Variants in CADPS2 observed in about 807,000 individuals in gnomAD.
CADPS2 encodes calcium-dependent secretion activator 2.
A neutral mutation model predicts 172.5 loss-of-function variants in CADPS2; 93 were observed. The observed-to-expected ratio is 0.54, with a 90% CI of 0.46 to 0.64. The LOEUF (loss-of-function observed/expected upper bound fraction) is 0.64. CADPS2 is among the 30% of genes least tolerant of loss of function. The pLI, the probability that CADPS2 is intolerant of heterozygous loss-of-function variation, is 0.00. For missense variants in CADPS2, 1,420 were observed against 1,565.9 expected (o/e 0.91, Z 1.57); for synonymous variants, 546 against 555.2 (o/e 0.98, Z 0.23).
intron 1 of CADPS2, among the ~76,000 whole-genome samples, chr7:122,773,108 T>C (rs2093754449): frequency 1.3e-5 from 2 of 152,106 alleles, no homozygotes; most frequent in Non-Finnish European, 2.9e-5. Context: ...ATTTCAAATG[T>C]CCAATTGTTC....
intron 25 of CADPS2, among the ~76,000 whole-genome samples, chr7:122,376,904 TA>T (rs1397540502): frequency 6.6e-6 from 1 of 152,120 alleles, no homozygotes; most frequent in African/African-American, 2.4e-5. Context: ...AAAATGGTTT[TA>T]AAAATATCAT....
intron 27 of CADPS2, among the ~76,000 whole-genome samples, chr7:122,358,932 T>G (rs910729226): frequency 1.3e-5 from 2 of 152,140 alleles, no homozygotes; most frequent in Non-Finnish European, 2.9e-5. Flanking sequence ...ACTGGCATGA[T>G]GAAGAGTCTG....
intron 1 of CADPS2, among the ~76,000 whole-genome samples, chr7:122,776,516 TTGAAAC>T (rs1410007394): frequency 2.0e-5 from 3 of 151,880 alleles, no homozygotes; most frequent in Admixed American, 6.6e-5. Flanking sequence ...GGAAGTGACT[TTGAAAC>T]TGAGGAACAG....
intron 28 of CADPS2, among the ~76,000 whole-genome samples, chr7:122,340,615 C>T (rs1217064761): frequency 6.6e-6 from 1 of 152,138 alleles, no homozygotes; most frequent in Non-Finnish European, 1.5e-5. Context: ...AGCCAAAGCT[C>T]TGAAGAAATG....
rs568072877 is a variant in CADPS2, at chr7:122,442,972, T to G, written c.2289-1397A>C. Among the ~76,000 whole-genome samples, 6 of 152,334 alleles carry G rather than the reference T, an allele frequency of 3.9e-5. No individual in the cohort carries two copies. In the East Asian group the frequency reaches 9.6e-4, roughly 24 times the overall value. On this transcript the variant is annotated intron_variant, in intron 15 of 29. Transcript: ENST00000449022. The stretch of plus-strand genomic sequence containing the variant: ...GCATTAGCAAATTAGCAAAGTACCT[T>G]TAATCATTTTGTATATTATAAACCT...
At chr7:122,839,477 T>A (rs182257075) in intron 1 of CADPS2, among the ~76,000 whole-genome samples, 5 of 152,216 alleles carry the variant, frequency 3.3e-5, no homozygotes, top group South Asian at 4.1e-4. Context: ...GAAACTACCA[T>A]CAGAGTGAAC....
At position 122,400,842 on chromosome 7, in the gene CADPS2, G is replaced by A. The variant is rs543634425; in HGVS notation, c.2746+6698C>T. Among the ~76,000 whole-genome samples the A allele has an allele frequency of 5.3e-5, 8 of 152,318 alleles. No homozygotes were observed. In the South Asian group the frequency reaches 1.4e-3, roughly 28 times the overall value. ...TTAAGCACTTGAAAGAGAATAACAC[G>A]CAGGTGTCAGCCTTCCATATTTCAA... is the stretch of plus-strand genomic sequence containing the variant. On this transcript the variant is annotated intron_variant, in intron 20 of 29. Coordinates refer to ENST00000449022, the MANE Select transcript of CADPS2 (RefSeq NM_017954.11).
chr7:122,331,377 C>T (rs2034918296), intron 28 of CADPS2, among the ~76,000 whole-genome samples: 1 of 152,168 alleles, frequency 6.6e-6, no homozygotes, highest in African/African-American at 2.4e-5. Flanking sequence ...TAGGCCAGTG[C>T]CTGTAATCCC....
intron 15 of CADPS2, among the ~76,000 whole-genome samples, chr7:122,445,285 A>G (rs2052001606): frequency 6.6e-6 from 1 of 152,134 alleles, no homozygotes; most frequent in Non-Finnish European, 1.5e-5. Flanking sequence ...TCCATAGGTC[A>G]ATTTAGAGAG....
chr7:122,352,106 T>A (rs1334694788), intron 27 of CADPS2, among the ~76,000 whole-genome samples: 1 of 152,222 alleles, frequency 6.6e-6, no homozygotes, highest in Non-Finnish European at 1.5e-5. Flanking sequence ...ATTTCTGATC[T>A]ACGGTTAGAT....
intron 1 of CADPS2, among the ~76,000 whole-genome samples, chr7:122,740,525 C>A (rs2092407004): frequency 6.6e-6 from 1 of 152,028 alleles, no homozygotes; most frequent in Non-Finnish European, 1.5e-5. Flanking sequence ...GTAAAAAGAT[C>A]AGCTGTTGAT....
intron 2 of CADPS2, chr7:122,698,208 G>A: frequency 6.2e-7 from 1 of 1,613,864 alleles, no homozygotes; most frequent in Non-Finnish European, 8.5e-7. Flanking sequence ...CTCGAAGTTG[G>A]AGTTGTCCAA....
intron 1 of CADPS2, among the ~76,000 whole-genome samples, chr7:122,806,241 T>C (rs1439609882): frequency 6.6e-6 from 1 of 152,214 alleles, no homozygotes; most frequent in Non-Finnish European, 1.5e-5. Flanking sequence ...GGAAGATTAG[T>C]GTTCACTTTA....
intron 1 of CADPS2, among the ~76,000 whole-genome samples, chr7:122,878,834 A>G (rs920453127): frequency 6.6e-6 from 1 of 152,144 alleles, no homozygotes; most frequent in African/African-American, 2.4e-5. Context: ...TCCTCGGAAC[A>G]TATTGGATAG....
intron 14 of CADPS2, among the ~76,000 whole-genome samples, chr7:122,457,735 A>G (rs2053961149): frequency 6.6e-6 from 1 of 152,132 alleles, no homozygotes; most frequent in Non-Finnish European, 1.5e-5. Context: ...CATCTTCTAG[A>G]GTTATTTTTT....
intron 27 of CADPS2, among the ~76,000 whole-genome samples, chr7:122,347,976 T>C (rs1328706227): frequency 6.6e-6 from 1 of 152,164 alleles, no homozygotes; most frequent in African/African-American, 2.4e-5. Flanking sequence ...TAACTCAGTA[T>C]CTGAGTTTCA....
chr7:122,415,432 T>C (rs543758420), intron 18 of CADPS2, among the ~76,000 whole-genome samples: 2 of 152,260 alleles, frequency 1.3e-5, no homozygotes, highest in Admixed American at 6.5e-5. Flanking sequence ...TGATTAATTA[T>C]AGGACTTTTC....
At chr7:122,796,341 G>A (rs1374462694) in intron 1 of CADPS2, among the ~76,000 whole-genome samples, 1 of 151,996 alleles carries the variant, frequency 6.6e-6, no homozygotes, top group Non-Finnish European at 1.5e-5. Flanking sequence ...ATTCTTCACA[G>A]AACTTGAAAA....
intron 7 of CADPS2, among the ~76,000 whole-genome samples, chr7:122,578,600 GC>G (rs2068366224): frequency 6.6e-6 from 1 of 152,036 alleles, no homozygotes; most frequent in Non-Finnish European, 1.5e-5. Flanking sequence ...TATCTAATGT[GC>G]AGGGCCACAC....
Sources: gnomAD v4.1 joint callset for allele counts (sites outside exome capture counted in the v4.1 genomes callset) on GRCh38, gnomAD v4.1.1 for gene constraint, MANE v1.5 for transcripts, NCBI Gene and HGNC (gene_info 2026-07-23, HGNC 2026-07-21) for gene names.